COL26A1: variants seen among roughly 807,000 people sequenced by gnomAD.
COL26A1 encodes the protein collagen type XXVI alpha 1 chain.
A neutral mutation model predicts 59.3 loss-of-function variants in COL26A1; 41 were observed. The ratio of observed to expected loss-of-function variants is 0.69; its 90% CI spans 0.54 to 0.90. COL26A1 has a LOEUF of 0.90. Among genes scored for constraint, COL26A1 ranks in the 40% least tolerant of loss-of-function variants. The pLI, the probability that COL26A1 is intolerant of heterozygous loss-of-function variation, is 0.00. For missense variants in COL26A1, 612 were observed against 602.3 expected, an observed-to-expected ratio of 1.02 and a Z score of -0.17; for synonymous variants, 266 against 256.0, an observed-to-expected ratio of 1.04 and a Z score of -0.37.
At chr7:101,370,322 A>G (rs923621847) in intron 1 of COL26A1, among the ~76,000 whole-genome samples, 2 of 152,178 alleles carry the variant, frequency 1.3e-5, no homozygotes, top group African/African-American at 4.8e-5. Flanking sequence ...CTAGATATTT[A>G]AAAGTATAAA....
chr7:101,387,765 TA>T (rs1266522009), intron 1 of COL26A1, among the ~76,000 whole-genome samples: 38 of 49,148 alleles, frequency 7.7e-4, no homozygotes, highest in African/African-American at 2.0e-3. Context: ...TATATATATA[TA>T]TATATATATA....
chr7:101,385,808 C>T (rs1462035162), intron 1 of COL26A1, among the ~76,000 whole-genome samples: 1 of 151,442 alleles, frequency 6.6e-6, no homozygotes, highest in African/African-American at 2.4e-5. Flanking sequence ...AGGTTCACGC[C>T]ATTCTCCTGC....
intron 2 of COL26A1, among the ~76,000 whole-genome samples, chr7:101,441,288 T>C (rs1265329065): frequency 6.6e-6 from 1 of 152,184 alleles, no homozygotes; most frequent in East Asian, 1.9e-4. Context: ...CAGTACACTG[T>C]GAGTCTGCAA....
chr7:101,388,939 C>A (rs1332783809), intron 1 of COL26A1: 3 of 247,920 alleles, frequency 1.2e-5, no homozygotes, highest in Middle Eastern at 1.9e-3. Context: ...GAACACATAG[C>A]AGATCAGGAA....
At chr7:101,366,457 C>T (rs180785596) in intron 1 of COL26A1, among the ~76,000 whole-genome samples, 1 of 128,862 alleles carries the variant, frequency 7.8e-6, no homozygotes, top group Non-Finnish European at 1.7e-5. Flanking sequence ...ATTGTTACTG[C>T]TCCTTGTTAA....
intron 1 of COL26A1, among the ~76,000 whole-genome samples, chr7:101,369,092 G>A (rs1791121995): frequency 6.6e-6 from 1 of 151,978 alleles, no homozygotes; most frequent in African/African-American, 2.4e-5. Flanking sequence ...ATCATAACGT[G>A]TTGTGGAGAT....
chr7:101,428,860 C>G (rs1200947102), intron 2 of COL26A1, among the ~76,000 whole-genome samples: 1 of 151,808 alleles, frequency 6.6e-6, no homozygotes, highest in African/African-American at 2.4e-5. Flanking sequence ...TCTAAACAGT[C>G]TTTTGAAGAG....
chr7:101,484,058 C>T (rs115223161), intron 3 of COL26A1, among the ~76,000 whole-genome samples: 2,838 of 149,442 alleles, frequency 0.019, 77 homozygotes, highest in African/African-American at 0.067. Flanking sequence ...CTGTGTTGCC[C>T]AGGCTGGCCT....
intron 1 of COL26A1, among the ~76,000 whole-genome samples, chr7:101,372,226 T>C (rs12671249): frequency 0.54 from 81,793 of 151,748 alleles, 23,026 homozygotes; most frequent in African/African-American, 0.7. Context: ...AGTGCAGTGG[T>C]GCGATCTTGG....
chr7:101,397,404 CTTTT>C (rs1407221572), intron 1 of COL26A1, among the ~76,000 whole-genome samples: 1 of 149,700 alleles, frequency 6.7e-6, no homozygotes, highest in Non-Finnish European at 1.5e-5. Flanking sequence ...TTTTATCTTT[CTTTT>C]TTCTCTTCTT....
At chr7:101,401,157 A>G (rs1388215848) in intron 1 of COL26A1, among the ~76,000 whole-genome samples, 2 of 152,188 alleles carry the variant, frequency 1.3e-5, no homozygotes, top group Admixed American at 6.5e-5. Context: ...TGGAGAAGGC[A>G]TAGGGGTAAG....
chr7:101,554,357 G>A (rs1795922373), intron 11 of COL26A1, among the ~76,000 whole-genome samples: 1 of 152,004 alleles, frequency 6.6e-6, no homozygotes, highest in African/African-American at 2.4e-5. Flanking sequence ...CGCTGTGAGG[G>A]GTGCAGGAGG....
intron 3 of COL26A1, among the ~76,000 whole-genome samples, chr7:101,522,940 C>T (rs959599602): frequency 5.9e-5 from 9 of 152,090 alleles, no homozygotes; most frequent in African/African-American, 2.2e-4. Context: ...GAACTTGACC[C>T]CCTCTTCATA....
intron 4 of COL26A1, among the ~76,000 whole-genome samples, chr7:101,536,309 T>C (rs548519868): frequency 5.3e-5 from 8 of 152,360 alleles, no homozygotes; most frequent in African/African-American, 1.9e-4. Context: ...CCACTGTGCC[T>C]GGCCCCACTG....
At chr7:101,491,528 T>C (rs2108043) in intron 3 of COL26A1, among the ~76,000 whole-genome samples, 69,819 of 152,074 alleles carry the variant, frequency 0.46, 18,013 homozygotes, top group African/African-American at 0.7. Flanking sequence ...GGCTACTCCA[T>C]AGACAGAGCA....
intron 7 of COL26A1, among the ~76,000 whole-genome samples, chr7:101,546,026 C>G (rs1795727474): frequency 6.6e-6 from 1 of 152,240 alleles, no homozygotes; most frequent in African/African-American, 2.4e-5. Context: ...CAAACTCCGG[C>G]CCTCGGGGGC....
chr7:101,504,610 A>G (rs555508726), intron 3 of COL26A1, among the ~76,000 whole-genome samples: 1 of 152,226 alleles, frequency 6.6e-6, no homozygotes, highest in South Asian at 2.1e-4. Flanking sequence ...GATTTAGAAA[A>G]CATCTCACCT....
chr7:101,488,440 A>G (rs1331293869), intron 3 of COL26A1, among the ~76,000 whole-genome samples: 1 of 144,656 alleles, frequency 6.9e-6, no homozygotes, highest in Non-Finnish European at 1.5e-5. Context: ...CAGTGGCGCA[A>G]TCTCAGCTCA....
At chr7:101,411,128 C>T (rs771984864) in intron 1 of COL26A1, among the ~76,000 whole-genome samples, 1 of 152,212 alleles carries the variant, frequency 6.6e-6, no homozygotes, top group Non-Finnish European at 1.5e-5. Context: ...GCACAGACCA[C>T]AGCCCAGAGC....
Sources: allele counts gnomAD v4.1 joint callset (sites outside exome capture counted in the v4.1 genomes callset), GRCh38; gene constraint gnomAD v4.1.1; transcripts MANE v1.5; gene names NCBI Gene and HGNC (gene_info 2026-07-23, HGNC 2026-07-21).